Variants in LOC112694756 observed in about 807,000 individuals in gnomAD.
the LOC112694756 span, chr16:30,066,835 G>C: frequency 6.6e-7 from 1 of 1,521,542 alleles, no homozygotes; most frequent in Non-Finnish European, 8.9e-7. Flanking sequence ...CCCTCTGCTT[G>C]ATTCACGATC....
the LOC112694756 span, chr16:30,069,745 G>C: frequency 6.2e-7 from 1 of 1,611,198 alleles, no homozygotes; most frequent in East Asian, 2.2e-5. Flanking sequence ...CCATTTGGAC[G>C]GATTTCCATG....
At chr16:30,070,096 T>A in the LOC112694756 span, 7 of 1,613,760 alleles carry the variant, frequency 4.3e-6, no homozygotes, top group Non-Finnish European at 5.9e-6. Flanking sequence ...CCCTTCTCAC[T>A]CCACCCCTCT....
At chr16:30,058,725 G>A in the LOC112694756 span, among the ~76,000 whole-genome samples, 6 of 151,886 alleles carry the variant, frequency 4.0e-5, no homozygotes, top group African/African-American at 9.7e-5. Flanking sequence ...CTCGTGATCC[G>A]CCCGCCTTGG....
At chr16:30,068,655 G>T in the LOC112694756 span, 1 of 1,614,180 alleles carries the variant, frequency 6.2e-7, no homozygotes, top group Non-Finnish European at 8.5e-7. Context: ...GGTAGACAAG[G>T]GCGTGGTCCC....
chr16:30,059,481 A>G, the LOC112694756 span, among the ~76,000 whole-genome samples: 3 of 151,716 alleles, frequency 2.0e-5, no homozygotes, highest in African/African-American at 4.8e-5. Context: ...CCTGGGAGAC[A>G]GAGCAAGATT....
chr16:30,070,051 G>A, the LOC112694756 span: 3 of 1,613,522 alleles, frequency 1.9e-6, no homozygotes, highest in Non-Finnish European at 1.7e-6. Context: ...CAGGAGGTGG[G>A]CAGGGTGCCT....
chr16:30,068,291 C>T, the LOC112694756 span: 1 of 356,612 alleles, frequency 2.8e-6, no homozygotes, highest in Middle Eastern at 1.0e-3. Flanking sequence ...GTCTCGATCT[C>T]CTGATCTCGT....
At chr16:30,060,769 C>T in the LOC112694756 span, among the ~76,000 whole-genome samples, 2 of 152,126 alleles carry the variant, frequency 1.3e-5, no homozygotes, top group Non-Finnish European at 2.9e-5. Flanking sequence ...CCAAATCACA[C>T]CCTCATCAAA....
the LOC112694756 span, chr16:30,064,855 T>C: frequency 1.4e-4 from 29 of 204,960 alleles, no homozygotes; most frequent in African/African-American, 5.3e-4. Flanking sequence ...CCAGATGGGG[T>C]CCAGGTGAGG....
chr16:30,055,571 T>C, the LOC112694756 span, among the ~76,000 whole-genome samples: 152,008 of 152,274 alleles, frequency 1, 75,876 homozygotes, highest in Middle Eastern at 1. Flanking sequence ...ACATGTAGAG[T>C]ACATAGCCAG....
At chr16:30,061,437 A>G in the LOC112694756 span, among the ~76,000 whole-genome samples, 5 of 150,644 alleles carry the variant, frequency 3.3e-5, no homozygotes, top group Non-Finnish European at 7.4e-5. Context: ...ACCCAGAGAG[A>G]GGCTGATGCT....
the LOC112694756 span, chr16:30,059,022 G>A: frequency 1.0e-5 from 4 of 398,408 alleles, no homozygotes; most frequent in East Asian, 7.1e-5. Context: ...ATGGAGCAGC[G>A]GTTGCTCAGC....
At chr16:30,058,902 T>C in the LOC112694756 span, 2 of 398,328 alleles carry the variant, frequency 5.0e-6, no homozygotes. Flanking sequence ...CCTTGGGGAC[T>C]CAGCAGAAAC....
chr16:30,062,797 G>A, the LOC112694756 span, among the ~76,000 whole-genome samples: 3 of 150,008 alleles, frequency 2.0e-5, no homozygotes, highest in Non-Finnish European at 2.9e-5. Context: ...TGGAGATCAC[G>A]CCATTGTGCT....
the LOC112694756 span, chr16:30,064,330 G>A: frequency 2.5e-6 from 1 of 398,034 alleles, no homozygotes; most frequent in East Asian, 3.6e-5. Flanking sequence ...ATCACCGCAG[G>A]GAGTCAAGGG....
the LOC112694756 span, among the ~76,000 whole-genome samples, chr16:30,060,755 C>T: frequency 6.6e-6 from 1 of 152,106 alleles, no homozygotes; most frequent in Non-Finnish European, 1.5e-5. Flanking sequence ...TCCCTAGAGA[C>T]ACCCCAAATC....
At chr16:30,067,826 A>G in the LOC112694756 span, 1 of 771,712 alleles carries the variant, frequency 1.3e-6, no homozygotes, top group Non-Finnish European at 2.2e-6. Context: ...CACAATTCTG[A>G]GAGAACAGTA....
the LOC112694756 span, chr16:30,058,922 A>G: frequency 2.5e-6 from 1 of 398,444 alleles, no homozygotes; most frequent in Non-Finnish European, 4.4e-6. Context: ...CAAGATGGAG[A>G]AGGTCCCCAG....
chr16:30,063,453 G>C, the LOC112694756 span, among the ~76,000 whole-genome samples: 1 of 151,916 alleles, frequency 6.6e-6, no homozygotes, highest in Non-Finnish European at 1.5e-5. Flanking sequence ...CCCAGGGCCA[G>C]TTGCTCTCTG....
Sources: allele counts gnomAD v4.1 joint callset (sites outside exome capture counted in the v4.1 genomes callset), GRCh38; gene constraint gnomAD v4.1.1; transcripts MANE v1.5.